The following DIP2C variants were observed in gnomAD, a reference collection of about 807,000 sequenced individuals.
DIP2C encodes DIP2 acetate--CoA ligase C (putative).
Under a neutral mutation model 192.4 loss-of-function variants are expected in DIP2C, and 33 were observed. That is an observed-to-expected ratio of 0.17 (90% confidence interval 0.13 to 0.23). The LOEUF (loss-of-function observed/expected upper bound fraction) is 0.23, where lower values mean the gene tolerates loss of function less well. Ranked by LOEUF, DIP2C falls within the 10% of genes least tolerant of loss-of-function variation. The pLI, the probability that DIP2C is intolerant of heterozygous loss-of-function variation, is 1.00. For synonymous variants in DIP2C, 979 were observed against 864.1 expected (o/e 1.13, Z -2.33); for missense variants, 1,537 against 2,110.1 (o/e 0.73, Z 5.32).
rs530021631 is a variant in DIP2C, at chr10:340,516, C to T, written c.3584+683G>A. On this transcript the variant is annotated intron_variant, in intron 29 of 36. Coordinates refer to ENST00000280886, the MANE Select transcript of DIP2C (RefSeq NM_014974.3). ...AACTCTGAAAACTATATGCCCAATGCTAATAGTGGGTATTTATTGGTAACA... is the reference window on the plus strand; with the variant it reads ...AACTCTGAAAACTATATGCCCAATGTTAATAGTGGGTATTTATTGGTAACA... 2.6e-4 allele frequency among the ~76,000 whole-genome samples: 40 copies of T among 152,260 alleles called. No individual in the cohort carries two copies. In the East Asian group the frequency reaches 7.3e-3, roughly 28 times the overall value.
rs966674619 is a variant in DIP2C at position 453,859 on chromosome 10, C to T, written c.269-12863G>A. Among the ~76,000 whole-genome samples, 107 of 152,200 alleles carry T rather than the reference C, an allele frequency of 7.0e-4. 1 individual carries two copies. The highest frequency in any genetic ancestry group is 2.6e-4 in the Non-Finnish European group (18 of 68,040). On this transcript the variant is annotated intron_variant, in intron 3 of 36. Transcript: ENST00000280886. The stretch of plus-strand genomic sequence containing the variant: ...AGAAGCTCCTACAAAGCTGTCGGAG[C>T]TGGGGGTGAGCTGCTGGCTGCCATG...
At chr10:362,262 G>A (rs1424674514) in intron 22 of DIP2C, among the ~76,000 whole-genome samples, 3 of 152,120 alleles carry the variant, frequency 2.0e-5, no homozygotes, top group Non-Finnish European at 4.4e-5. Flanking sequence ...ACGTGCTGAC[G>A]ACCACACTAA....
At chr10:556,771 C>G (rs569182185) in intron 1 of DIP2C, among the ~76,000 whole-genome samples, 1 of 152,186 alleles carries the variant, frequency 6.6e-6, no homozygotes, top group Non-Finnish European at 1.5e-5. Context: ...CTTGATGCAT[C>G]AAGCGAAAGA....
At chr10:543,265 T>C (rs571042478) in intron 1 of DIP2C, among the ~76,000 whole-genome samples, 1 of 152,360 alleles carries the variant, frequency 6.6e-6, no homozygotes, top group South Asian at 2.1e-4. Context: ...TCACCAGCTT[T>C]GTGCGCATTT....
At chr10:559,246 C>A (rs1003700688) in intron 1 of DIP2C, among the ~76,000 whole-genome samples, 18 of 151,674 alleles carry the variant, frequency 1.2e-4, no homozygotes, top group African/African-American at 4.1e-4. Flanking sequence ...GCCCTCGATC[C>A]GGGACCACAG....
At chr10:492,130 C>T (rs913477371) in intron 1 of DIP2C, among the ~76,000 whole-genome samples, 6 of 152,228 alleles carry the variant, frequency 3.9e-5, no homozygotes, top group South Asian at 4.1e-4. Flanking sequence ...CCAGACGCCG[C>T]GGGCCCCCGT....
chr10:590,998 G>T (rs1851369372), intron 1 of DIP2C, among the ~76,000 whole-genome samples: 2 of 152,070 alleles, frequency 1.3e-5, no homozygotes, highest in African/African-American at 4.8e-5. Flanking sequence ...TGGCACATTG[G>T]TTCTGACCAT....
intron 1 of DIP2C, among the ~76,000 whole-genome samples, chr10:588,924 T>C (rs1564237682): frequency 6.6e-6 from 1 of 152,204 alleles, no homozygotes; most frequent in Non-Finnish European, 1.5e-5. Context: ...TGTAAGAAAC[T>C]GCTGAGCCGT....
intron 1 of DIP2C, among the ~76,000 whole-genome samples, chr10:504,974 GTTCATTCA>G (rs112147101): frequency 3.3e-5 from 5 of 151,978 alleles, no homozygotes; most frequent in African/African-American, 1.2e-4. Flanking sequence ...TGCTAGGTTC[GTTCATTCA>G]TTCATTCATT....
chr10:514,950 T>G (rs1846256740), intron 1 of DIP2C, among the ~76,000 whole-genome samples: 1 of 152,164 alleles, frequency 6.6e-6, no homozygotes, highest in Non-Finnish European at 1.5e-5. Flanking sequence ...AAAACAAGCT[T>G]TTTTTAACTT....
intron 1 of DIP2C, among the ~76,000 whole-genome samples, chr10:610,952 G>A (rs1853057017): frequency 6.7e-6 from 1 of 148,956 alleles, no homozygotes. Flanking sequence ...CGTGTTGGAG[G>A]TGGGCCCTGG....
At chr10:658,792 A>T (rs1013836203) in intron 1 of DIP2C, among the ~76,000 whole-genome samples, 10 of 152,250 alleles carry the variant, frequency 6.6e-5, no homozygotes, top group Admixed American at 6.5e-4. Context: ...ATATGTAAAT[A>T]TATATTTTAT....
At chr10:533,389 C>T (rs1426046694) in intron 1 of DIP2C, among the ~76,000 whole-genome samples, 2 of 152,172 alleles carry the variant, frequency 1.3e-5, no homozygotes, top group African/African-American at 2.4e-5. Context: ...CAAGGCCGCA[C>T]AGCCCGGGCA....
chr10:437,225 GGAT>G (rs1466441271), intron 4 of DIP2C, among the ~76,000 whole-genome samples: 5 of 150,426 alleles, frequency 3.3e-5, no homozygotes, highest in East Asian at 2.0e-4. Context: ...GGATGTGGTA[GGAT>G]GATATGCTCC....
At chr10:285,022 A>G (rs555564090) in intron 34 of DIP2C, among the ~76,000 whole-genome samples, 253 of 152,302 alleles carry the variant, frequency 1.7e-3, no homozygotes, top group Non-Finnish European at 3.0e-3. Flanking sequence ...GTGCCGGAGA[A>G]GCAGGCTCTG....
At chr10:467,733 CAT>C (rs1438989774) in intron 3 of DIP2C, among the ~76,000 whole-genome samples, 1 of 151,968 alleles carries the variant, frequency 6.6e-6, no homozygotes, top group African/African-American at 2.4e-5. Flanking sequence ...TGTTCTCACT[CAT>C]AAATGGGAGT....
chr10:412,588 C>T (rs947899460), intron 8 of DIP2C, among the ~76,000 whole-genome samples: 2 of 152,174 alleles, frequency 1.3e-5, no homozygotes, highest in Non-Finnish European at 2.9e-5. Flanking sequence ...GGCTACGAAA[C>T]GCACGCTCCC....
chr10:434,342 C>T (rs1967001353), intron 4 of DIP2C, among the ~76,000 whole-genome samples: 1 of 152,146 alleles, frequency 6.6e-6, no homozygotes, highest in Non-Finnish European at 1.5e-5. Flanking sequence ...AGAGTGGCAT[C>T]ATTATAGCTC....
chr10:486,432 C>T (rs766530080), intron 2 of DIP2C, 27 bp downstream of exon 2: 1 of 1,570,712 alleles, frequency 6.4e-7, no homozygotes, highest in Non-Finnish European at 8.6e-7. Context: ...AATGAGAGGA[C>T]TCATGCTACT....
Sources: gnomAD v4.1 joint callset for allele counts (sites outside exome capture counted in the v4.1 genomes callset) on GRCh38, gnomAD v4.1.1 for gene constraint, MANE v1.5 for transcripts, NCBI Gene and HGNC (gene_info 2026-07-23, HGNC 2026-07-21) for gene names.